Variants in ANO4 observed in about 807,000 individuals in gnomAD.
The protein encoded by ANO4 is anoctamin 4.
A neutral mutation model predicts 141.9 loss-of-function variants in ANO4; 69 were observed. That is an observed-to-expected ratio of 0.49 (90% CI 0.40 to 0.59). The LOEUF (loss-of-function observed/expected upper bound fraction) is 0.59, where lower values mean the gene tolerates loss of function less well. ANO4 is among the 20% of genes least tolerant of loss of function. The pLI, the probability that ANO4 is intolerant of heterozygous loss-of-function variation, is 0.00. For synonymous variants in ANO4, 350 were observed against 394.3 expected, an observed-to-expected ratio of 0.89 and a Z score of 1.33; for missense variants, 894 against 1,162.2, an observed-to-expected ratio of 0.77 and a Z score of 3.36.
Position 101,123,189 on chromosome 12 carries a change from A to C in ANO4, c.2676+2564A>C, listed in dbSNP as rs567358162. Among the ~76,000 whole-genome samples the C allele has an allele frequency of 1.8e-3, 271 of 152,334 alleles. 2 individuals are homozygous for C. Among genetic ancestry groups the C allele is most frequent in the Middle Eastern group, 3.4e-3 (1 of 294 alleles). On this transcript the variant is annotated intron_variant, in intron 26 of 27. Coordinates refer to ENST00000392977, the MANE Select transcript of ANO4 (RefSeq NM_001286615.2). Reference sequence around the variant, plus strand: ...CTTCAGTCCAGGGAACCAAAAGAAGAAAATATTAAGCTGCTCTTCCCTGGA... The same window carrying C: ...CTTCAGTCCAGGGAACCAAAAGAAGCAAATATTAAGCTGCTCTTCCCTGGA...
chr12:100,963,734 C>G (rs758053829), intron 5 of ANO4, among the ~76,000 whole-genome samples: 71 of 152,240 alleles, frequency 4.7e-4, no homozygotes, highest in Middle Eastern at 3.4e-3. Flanking sequence ...GATAGCCCCA[C>G]TGAGAGGAGT....
chr12:101,037,168 A>G lies in ANO4; in HGVS notation c.897+18A>G, dbSNP rs1157011002. The stretch of plus-strand genomic sequence containing the variant: ...TGCATGAGGTATTGTGCTGTCTTTA[A>G]TCTTTATCTTTCTTTCAATCGTTTG... On this transcript the variant is annotated intron_variant, in intron 10 of 27. Coordinates refer to ENST00000392977, the MANE Select transcript of ANO4 (RefSeq NM_001286615.2). 1.9e-6 allele frequency: 3 copies of G among 1,610,836 alleles called. No individual in the cohort carries two copies. In the African/African-American group the frequency reaches 4.0e-5, roughly 22 times the overall value.
In ANO4 at chr12:100,784,871, A is replaced by G. The variant is rs186808321; in HGVS notation, c.358+44766A>G. On this transcript the variant is annotated intron_variant, in intron 3 of 29. Coordinates refer to the ANO4 transcript ENST00000644049. ...TGCCGTTTGTCTGTGTGCTTGCCCC[A>G]GTGGATTCCTTAGAACTTGACTTTG... Among the ~76,000 whole-genome samples the G allele has an allele frequency of 3.1e-3, 467 of 152,200 alleles. 8 individuals carry two copies. The highest frequency in any genetic ancestry group is 5.0e-4 in the Non-Finnish European group (34 of 68,006).
At chr12:100,776,723 C>T (rs1405438350) in intron 3 of ANO4, among the ~76,000 whole-genome samples, 1 of 152,168 alleles carries the variant, frequency 6.6e-6, no homozygotes, top group Non-Finnish European at 1.5e-5. Flanking sequence ...GTCACTTGAC[C>T]TTTTGCCTTA....
intron 1 of ANO4, among the ~76,000 whole-genome samples, chr12:100,849,619 A>G (rs908191926): frequency 6.6e-6 from 1 of 152,198 alleles, no homozygotes; most frequent in African/African-American, 2.4e-5. Context: ...CTCTATGGAT[A>G]TATTCCAATT....
At chr12:101,031,774 CCTTTACATCAA>C (rs1171806295) in intron 9 of ANO4, among the ~76,000 whole-genome samples, 5 of 152,138 alleles carry the variant, frequency 3.3e-5, no homozygotes, top group Admixed American at 6.6e-5. Flanking sequence ...CACAGGCATT[CCTTTACATCAA>C]CAGTAGACAA....
At chr12:100,888,082 G>A (rs1270034740) in intron 1 of ANO4, among the ~76,000 whole-genome samples, 3 of 152,186 alleles carry the variant, frequency 2.0e-5, no homozygotes, top group Non-Finnish European at 4.4e-5. Flanking sequence ...GGCATTCAGA[G>A]CAGGGAGGGA....
At chr12:100,827,138 A>T (rs1016043186) in intron 1 of ANO4, among the ~76,000 whole-genome samples, 1 of 152,056 alleles carries the variant, frequency 6.6e-6, no homozygotes, top group African/African-American at 2.4e-5. Context: ...TTAGTCAGAT[A>T]GTAAAAGACA....
At chr12:100,949,446 A>G (rs1269478807) in intron 5 of ANO4, among the ~76,000 whole-genome samples, 1 of 152,210 alleles carries the variant, frequency 6.6e-6, no homozygotes, top group Non-Finnish European at 1.5e-5. Context: ...GATTTATCTC[A>G]TGGGTTATTT....
intron 26 of ANO4, among the ~76,000 whole-genome samples, chr12:101,126,420 A>G (rs1374938577): frequency 1.3e-5 from 2 of 152,184 alleles, no homozygotes; most frequent in Admixed American, 6.5e-5. Flanking sequence ...GATAATTCTT[A>G]TAACCAAGAT....
intron 8 of ANO4, among the ~76,000 whole-genome samples, chr12:101,017,699 C>CT (rs1289172641): frequency 6.6e-6 from 1 of 152,124 alleles, no homozygotes; most frequent in Non-Finnish European, 1.5e-5. Context: ...TGGTTCAGCC[C>CT]TTTTTTAGCT....
chr12:101,095,968 A>T (rs1424264069), intron 18 of ANO4, among the ~76,000 whole-genome samples: 3 of 152,234 alleles, frequency 2.0e-5, no homozygotes, highest in Non-Finnish European at 4.4e-5. Context: ...GATATGAATT[A>T]AAACCTCTAA....
chr12:101,121,616 G>T (rs2051095943), intron 26 of ANO4, among the ~76,000 whole-genome samples: 1 of 152,156 alleles, frequency 6.6e-6, no homozygotes, highest in African/African-American at 2.4e-5. Context: ...GGATTGCTGG[G>T]TTGAATGGTA....
At chr12:100,887,094 T>C (rs1405215061) in intron 1 of ANO4, among the ~76,000 whole-genome samples, 2 of 152,268 alleles carry the variant, frequency 1.3e-5, no homozygotes, top group African/African-American at 4.8e-5. Context: ...AAAAATCTTA[T>C]ATAAAGCAGT....
At chr12:100,972,617 T>C (rs956016416) in intron 6 of ANO4, among the ~76,000 whole-genome samples, 4 of 152,202 alleles carry the variant, frequency 2.6e-5, no homozygotes, top group Non-Finnish European at 5.9e-5. Context: ...ATAAGGAATG[T>C]CAATTTAGAT....
At chr12:100,824,084 G>GACAT (rs1448813939) in intron 1 of ANO4, among the ~76,000 whole-genome samples, 1 of 151,912 alleles carries the variant, frequency 6.6e-6, no homozygotes, top group East Asian at 1.9e-4. Flanking sequence ...AAATAACACT[G>GACAT]ACATAAAAAT....
At chr12:100,717,442 C>G (rs151022602), upstream of ANO4, 3,427 of 394,378 alleles carry the variant, frequency 8.7e-3, 118 homozygotes, top group East Asian at 0.084. Context: ...CATGCACTCG[C>G]CGGGCCGGGC....
intron 3 of ANO4, among the ~76,000 whole-genome samples, chr12:100,924,225 C>A (rs1566016126): frequency 6.6e-6 from 1 of 152,092 alleles, no homozygotes; most frequent in East Asian, 1.9e-4. Context: ...TGCCTAGGGA[C>A]ATTGCATTTT....
Position 101,116,675 on chromosome 12 carries a change from A to G in ANO4, c.2451-4A>G. 1 of 1,614,094 alleles carries G rather than the reference A, an allele frequency of 6.2e-7. No homozygotes were observed. The highest frequency in any genetic ancestry group is 8.5e-7 in the Non-Finnish European group (1 of 1,179,982). On this transcript the variant is annotated splice_region_variant and splice_polypyrimidine_tract_variant and intron_variant, in intron 24 of 27. Coordinates refer to ENST00000392977, the MANE Select transcript of ANO4 (RefSeq NM_001286615.2). Reference sequence around the variant, plus strand: ...CTAATGGTAGAATGTGCCTCCTCTTATAGGTGCATGGTTGGCTATGTGAAT... The same window carrying G: ...CTAATGGTAGAATGTGCCTCCTCTTGTAGGTGCATGGTTGGCTATGTGAAT...
Sources: gnomAD v4.1 joint callset for allele counts (sites outside exome capture counted in the v4.1 genomes callset) on GRCh38, gnomAD v4.1.1 for gene constraint, MANE v1.5 for transcripts, NCBI Gene and HGNC (gene_info 2026-07-23, HGNC 2026-07-21) for gene names.